The following GNAO1 variants were observed in gnomAD, a reference collection of about 807,000 sequenced individuals.
GNAO1 encodes G protein subunit alpha o1.
For synonymous variants in GNAO1, 164 were observed against 180.7 expected, an observed-to-expected ratio of 0.91 and a Z score of 0.74; for missense variants, 166 against 478.7, an observed-to-expected ratio of 0.35 and a Z score of 6.10.
chr16:56,341,114 C>T (rs2037798697), intron 6 of GNAO1: 2 of 740,122 alleles, frequency 2.7e-6, no homozygotes, highest in South Asian at 3.6e-5. Flanking sequence ...AAACGGTCCC[C>T]CACCCTGCCC....
chr16:56,215,128 TTCTC>T (rs1274774206), intron 2 of GNAO1, among the ~76,000 whole-genome samples: 1 of 152,186 alleles, frequency 6.6e-6, no homozygotes, highest in Non-Finnish European at 1.5e-5. Context: ...TTCCTCCTCT[TTCTC>T]TGTAGATCTG....
intron 4 of GNAO1, among the ~76,000 whole-genome samples, chr16:56,333,950 G>T (rs1451056753): frequency 2.6e-5 from 4 of 152,222 alleles, no homozygotes; most frequent in Non-Finnish European, 5.9e-5. Flanking sequence ...CTGGCTTTAG[G>T]TTCAAACTTA....
At chr16:56,204,450 G>C (rs2036307329) in intron 2 of GNAO1, among the ~76,000 whole-genome samples, 1 of 152,094 alleles carries the variant, frequency 6.6e-6, no homozygotes, top group African/African-American at 2.4e-5. Flanking sequence ...GCCCAGGGAA[G>C]GGGTGCACCA....
intron 2 of GNAO1, among the ~76,000 whole-genome samples, chr16:56,260,032 T>C (rs2036888751): frequency 6.6e-6 from 1 of 152,214 alleles, no homozygotes; most frequent in Admixed American, 6.5e-5. Context: ...AACTTTCTTA[T>C]TAACCAGTTT....
At chr16:56,212,231 C>T (rs148931047) in intron 2 of GNAO1, among the ~76,000 whole-genome samples, 2 of 152,320 alleles carry the variant, frequency 1.3e-5, no homozygotes, top group East Asian at 1.9e-4. Flanking sequence ...TAGTCACATG[C>T]GTTACCAAAA....
chr16:56,259,789 A>T (rs2036886676), intron 2 of GNAO1, among the ~76,000 whole-genome samples: 1 of 152,198 alleles, frequency 6.6e-6, no homozygotes, highest in African/African-American at 2.4e-5. Context: ...CAGTGTGACA[A>T]CAGAAATCTT....
intron 3 of GNAO1, among the ~76,000 whole-genome samples, chr16:56,318,893 A>G (rs1346847892): frequency 2.0e-5 from 3 of 152,138 alleles, no homozygotes; most frequent in African/African-American, 7.2e-5. Flanking sequence ...TATCTGCACA[A>G]ACAGCCCTGT....
intron 2 of GNAO1, among the ~76,000 whole-genome samples, chr16:56,232,924 A>G (rs1225633513): frequency 6.6e-6 from 1 of 152,148 alleles, no homozygotes; most frequent in Admixed American, 6.5e-5. Flanking sequence ...GGCCATTTCC[A>G]TTTTGTGAGT....
intron 2 of GNAO1, chr16:56,213,453 T>G: frequency 2.5e-6 from 1 of 397,298 alleles, no homozygotes; most frequent in Non-Finnish European, 4.4e-6. Context: ...TGGAGAAGAA[T>G]AAAGCAGGCA....
At chr16:56,293,462 C>T (rs1218882048) in intron 3 of GNAO1, among the ~76,000 whole-genome samples, 1 of 152,138 alleles carries the variant, frequency 6.6e-6, no homozygotes, top group Non-Finnish European at 1.5e-5. Context: ...AATGGATTGC[C>T]CTTCTGATAT....
intron 2 of GNAO1, among the ~76,000 whole-genome samples, chr16:56,257,005 A>C (rs1212756038): frequency 6.6e-6 from 1 of 152,130 alleles, no homozygotes; most frequent in Non-Finnish European, 1.5e-5. Flanking sequence ...GTTCTCTTTT[A>C]GTTCTTCTAA....
intron 3 of GNAO1, among the ~76,000 whole-genome samples, chr16:56,324,421 T>C (rs1341069049): frequency 1.3e-5 from 2 of 152,142 alleles, no homozygotes; most frequent in African/African-American, 2.4e-5. Flanking sequence ...ACCATGAAGG[T>C]AGGGCCCAAA....
rs182131715 is a variant in GNAO1 at position 56,311,948 on chromosome 16, G to A, written c.304-16683G>A. ...TACCAGCATCAACACGGTAATGCCGGTTCCCCTGGGTGGGCACCAGCCAAG... is the reference window on the plus strand; with the variant it reads ...TACCAGCATCAACACGGTAATGCCGATTCCCCTGGGTGGGCACCAGCCAAG... On this transcript the variant is annotated intron_variant, in intron 3 of 8. Coordinates refer to ENST00000262493, the MANE Select transcript of GNAO1 (RefSeq NM_020988.3). The surrounding 1 kb of genome is among the most constrained non-coding windows in gnomAD (Gnocchi z 5.2). 2.0e-5 allele frequency among the ~76,000 whole-genome samples: 3 copies of A among 152,278 alleles called. No individual in the cohort carries two copies. Among genetic ancestry groups the A allele is most frequent in the Admixed American group, 1.3e-4 (2 of 15,306 alleles).
intron 2 of GNAO1, among the ~76,000 whole-genome samples, chr16:56,211,037 A>C (rs2036381329): frequency 6.6e-6 from 1 of 152,194 alleles, no homozygotes; most frequent in Admixed American, 6.5e-5. Context: ...GAGGGGAGTG[A>C]TCTGACTAGG....
At chr16:56,338,321 T>C (rs1231646128) in intron 6 of GNAO1, among the ~76,000 whole-genome samples, 2 of 152,168 alleles carry the variant, frequency 1.3e-5, no homozygotes, top group Admixed American at 6.5e-5. Context: ...CAGGCAGTGA[T>C]GTCAGTCACC....
At chr16:56,256,718 C>CTGTGTG (rs199786327) in intron 2 of GNAO1, among the ~76,000 whole-genome samples, 145 of 72,288 alleles carry the variant, frequency 2.0e-3, no homozygotes, top group East Asian at 2.2e-3. Flanking sequence ...CTCTCTCTCT[C>CTGTGTG]TGTGTGTGTG....
chr16:56,195,747 T>C (rs1379382706), intron 2 of GNAO1, among the ~76,000 whole-genome samples: 1 of 152,206 alleles, frequency 6.6e-6, no homozygotes, highest in African/African-American at 2.4e-5. Flanking sequence ...GCACATTGGA[T>C]TGAGAGGAAG....
At position 56,328,514 on chromosome 16, in the gene GNAO1, G is replaced by A. The variant is rs1274618645; in HGVS notation, c.304-117G>A. ...GGAGCAGGCTGTGGGCTGAGCTGCG[G>A]TCCTGCTGCACTGGCTGGGCTCTCA... On this transcript the variant is annotated intron_variant, in intron 3 of 8. Coordinates refer to ENST00000262493, the MANE Select transcript of GNAO1 (RefSeq NM_020988.3). 5.8e-6 allele frequency: 6 copies of A among 1,035,286 alleles called. No individual in the cohort carries two copies. In the African/African-American group the frequency reaches 7.9e-5, roughly 14 times the overall value. 64.1% of individuals were successfully genotyped at this position (1,035,286 alleles called of 1,614,324 possible).
At chr16:56,268,803 C>A (rs1477826744) in intron 2 of GNAO1, among the ~76,000 whole-genome samples, 1 of 152,186 alleles carries the variant, frequency 6.6e-6, no homozygotes, top group African/African-American at 2.4e-5. Flanking sequence ...ACACTGTAAC[C>A]AGCATTTTCA....
Sources: gnomAD v4.1 joint callset for allele counts (sites outside exome capture counted in the v4.1 genomes callset) on GRCh38, gnomAD v4.1.1 for gene constraint, Gnocchi (gnomAD v3.1) non-coding constraint, MANE v1.5 for transcripts, NCBI Gene and HGNC (gene_info 2026-07-23, HGNC 2026-07-21) for gene names.